TUSC3: variants seen among roughly 807,000 people sequenced by gnomAD.
The protein encoded by TUSC3 is dolichyl-diphosphooligosaccharide--protein glycosyltransferase subunit TUSC3.
A neutral mutation model predicts 44.8 loss-of-function variants in TUSC3; 45 were observed. The observed-to-expected ratio is 1.00, with a 90% CI of 0.79 to 1.29. TUSC3 has a LOEUF of 1.29. Ranked by LOEUF, TUSC3 falls within the 50% of genes most tolerant of loss-of-function variation. TUSC3 has a pLI of 0.00. For synonymous variants in TUSC3, 212 were observed against 152.9 expected, an observed-to-expected ratio of 1.39 and a Z score of -2.85; for missense variants, 519 against 437.9, an observed-to-expected ratio of 1.19 and a Z score of -1.65.
At chr8:15,440,785 G>A (rs1326852894) in intron 1 of TUSC3, among the ~76,000 whole-genome samples, 2 of 152,138 alleles carry the variant, frequency 1.3e-5, no homozygotes, top group Non-Finnish European at 2.9e-5. Context: ...GATTGTTCAG[G>A]AACTACTGGG....
chr8:15,727,539 G>A (rs1263903665), intron 6 of TUSC3, among the ~76,000 whole-genome samples: 1 of 152,094 alleles, frequency 6.6e-6, no homozygotes, highest in African/African-American at 2.4e-5. Context: ...AGTAAATCCT[G>A]AAGGCTCGTA....
At chr8:15,751,615 A>G (rs1028388475) in intron 9 of TUSC3, among the ~76,000 whole-genome samples, 4 of 152,304 alleles carry the variant, frequency 2.6e-5, no homozygotes, top group South Asian at 4.1e-4. Context: ...GAGGTGTTCA[A>G]AGAGCTCACT....
chr8:15,647,486 A>C (rs1259631556), intron 2 of TUSC3, among the ~76,000 whole-genome samples: 1 of 152,004 alleles, frequency 6.6e-6, no homozygotes, highest in Admixed American at 6.6e-5. Context: ...GATTACTTAG[A>C]ATCTATTCTT....
At chr8:15,438,992 G>A (rs1392112691) in intron 1 of TUSC3, among the ~76,000 whole-genome samples, 1 of 152,154 alleles carries the variant, frequency 6.6e-6, no homozygotes, top group East Asian at 1.9e-4. Context: ...CTCAGGCGTT[G>A]GTCGAGGCAA....
intron 1 of TUSC3, among the ~76,000 whole-genome samples, chr8:15,435,646 A>C (rs576207103): frequency 1.3e-5 from 2 of 152,304 alleles, no homozygotes; most frequent in South Asian, 4.1e-4. Flanking sequence ...AAATGTATGT[A>C]TAAATTGACT....
At chr8:15,527,013 G>C (rs1049159629) in intron 2 of TUSC3, among the ~76,000 whole-genome samples, 3 of 152,154 alleles carry the variant, frequency 2.0e-5, no homozygotes, top group Non-Finnish European at 4.4e-5. Flanking sequence ...TCATAGCAAA[G>C]TACATGAAAA....
At chr8:15,698,065 T>C (rs1365798235) in intron 6 of TUSC3, among the ~76,000 whole-genome samples, 2 of 152,218 alleles carry the variant, frequency 1.3e-5, no homozygotes, top group Non-Finnish European at 2.9e-5. Flanking sequence ...AAAATATTGC[T>C]GTTCTTTACT....
chr8:15,584,752 A>T (rs1203861455), intron 1 of TUSC3, among the ~76,000 whole-genome samples: 2 of 152,168 alleles, frequency 1.3e-5, no homozygotes, highest in African/African-American at 4.8e-5. Flanking sequence ...TAGTGAGAAC[A>T]GGATTCATTG....
intron 2 of TUSC3, among the ~76,000 whole-genome samples, chr8:15,502,486 C>CTTGTTTGT (rs200527673): frequency 6.6e-6 from 1 of 151,920 alleles, no homozygotes; most frequent in Admixed American, 6.5e-5. Context: ...TATATATTTT[C>CTTGTTTGT]TTGTTTGTTT....
At chr8:15,593,144 G>C (rs1803923738) in intron 1 of TUSC3, among the ~76,000 whole-genome samples, 1 of 152,100 alleles carries the variant, frequency 6.6e-6, no homozygotes, top group Admixed American at 6.5e-5. Flanking sequence ...GGAGTGCAGT[G>C]GTGTGATCTT....
chr8:15,442,011 T>C (rs1800027073), intron 1 of TUSC3, among the ~76,000 whole-genome samples: 1 of 152,216 alleles, frequency 6.6e-6, no homozygotes, highest in African/African-American at 2.4e-5. Context: ...TCTTATCATA[T>C]AGGGACTCTT....
At chr8:15,597,493 C>T (rs1272825897) in intron 1 of TUSC3, among the ~76,000 whole-genome samples, 1 of 152,018 alleles carries the variant, frequency 6.6e-6, no homozygotes, top group Non-Finnish European at 1.5e-5. Context: ...AAATTATTGC[C>T]TTTGGCACAG....
chr8:15,419,586 G>C (rs1222337184), intron 1 of TUSC3, among the ~76,000 whole-genome samples: 2 of 152,072 alleles, frequency 1.3e-5, no homozygotes, highest in African/African-American at 2.4e-5. Flanking sequence ...GGTTATACGT[G>C]TGTGAAAAAA....
At chr8:15,582,280 A>T (rs1019518878) in intron 1 of TUSC3, among the ~76,000 whole-genome samples, 4 of 152,214 alleles carry the variant, frequency 2.6e-5, no homozygotes, top group African/African-American at 7.2e-5. Flanking sequence ...TGGGTCGCTC[A>T]CGCTGGGAGC....
chr8:15,488,399 G>A (rs904985531), intron 2 of TUSC3, among the ~76,000 whole-genome samples: 1 of 151,988 alleles, frequency 6.6e-6, no homozygotes, highest in Non-Finnish European at 1.5e-5. Flanking sequence ...CTACTTAGGA[G>A]ACTGAGGCTG....
chr8:15,647,393 T>C (rs1806681592), intron 2 of TUSC3, among the ~76,000 whole-genome samples: 1 of 152,198 alleles, frequency 6.6e-6, no homozygotes, highest in African/African-American at 2.4e-5. Flanking sequence ...TATGTTCATT[T>C]TTTTGTTTTT....
intron 1 of TUSC3, among the ~76,000 whole-genome samples, chr8:15,602,804 CAT>C (rs959940600): frequency 2.1e-4 from 31 of 151,112 alleles, no homozygotes; most frequent in African/African-American, 5.3e-4. Flanking sequence ...TTTATTATCA[CAT>C]GTTATTAATT....
chr8:15,599,285 C>G (rs1299253139), intron 1 of TUSC3, among the ~76,000 whole-genome samples: 1 of 151,584 alleles, frequency 6.6e-6, no homozygotes, highest in Non-Finnish European at 1.5e-5. Flanking sequence ...TTGTTTTGTT[C>G]TTATTGATGA....
At chr8:15,505,237 A>G (rs1196199577) in intron 2 of TUSC3, among the ~76,000 whole-genome samples, 2 of 152,164 alleles carry the variant, frequency 1.3e-5, no homozygotes, top group African/African-American at 4.8e-5. Flanking sequence ...TATTTTAGGA[A>G]TGATCCTTCC....
Sources: gnomAD v4.1 joint callset for allele counts (sites outside exome capture counted in the v4.1 genomes callset) on GRCh38, gnomAD v4.1.1 for gene constraint, MANE v1.5 for transcripts, NCBI Gene and HGNC (gene_info 2026-07-23, HGNC 2026-07-21) for gene names.